Variants in FADS2 observed in about 807,000 individuals in gnomAD.
FADS2 encodes fatty acid desaturase 2.
Under a neutral mutation model 61.2 loss-of-function variants are expected in FADS2, and 18 were observed. That is an observed-to-expected ratio of 0.29 (90% CI 0.20 to 0.44). The LOEUF is 0.44. Ranked by LOEUF, FADS2 falls within the 20% of genes least tolerant of loss-of-function variation. FADS2 has a pLI of 1.00. For missense variants in FADS2, 322 were observed against 572.7 expected (o/e 0.56, Z 4.47); for synonymous variants, 203 against 223.9 (o/e 0.91, Z 0.83).
intron 2 of FADS2, among the ~76,000 whole-genome samples, chr11:61,839,724 C>T (rs2067203265): frequency 6.6e-6 from 1 of 152,206 alleles, no homozygotes; most frequent in Non-Finnish European, 1.5e-5. Context: ...TCATCTTCCC[C>T]AAATTGAAAT....
At chr11:61,837,975 C>CA in intron 2 of FADS2, 87 bp downstream of exon 2, 2 of 911,482 alleles carry the variant, frequency 2.2e-6, no homozygotes, top group Non-Finnish European at 1.8e-6. Context: ...GCCCCATGAC[C>CA]AGTAACTGGG....
intron 7 of FADS2, among the ~76,000 whole-genome samples, chr11:61,860,139 C>T (rs185159512): frequency 3.9e-5 from 6 of 152,148 alleles, no homozygotes; most frequent in Admixed American, 1.3e-4. Flanking sequence ...TGGCAGTATC[C>T]GGAGACACTT....
chr11:61,828,135 C>G, upstream of FADS2: 2 of 1,379,202 alleles, frequency 1.5e-6, no homozygotes, highest in Non-Finnish European at 1.9e-6. This position sits in a 1 kb window ranked among gnomAD's most constrained non-coding sequence, Gnocchi z 6.4. Flanking sequence ...AGCGGGAGGG[C>G]TGAGGGAGGG....
Position 61,828,319 on chromosome 11 carries a change from G to A in FADS2, c.-72G>A. On this transcript the variant is annotated 5_prime_UTR_variant, in exon 1 of 12. Coordinates refer to ENST00000278840, the MANE Select transcript of FADS2 (RefSeq NM_004265.4). The surrounding 1 kb of genome is among the most constrained non-coding windows in gnomAD (Gnocchi z 6.4). ...CCGGGCTGCACACACCGGCTGGGAG[G>A]CAGCCGTCTGTGCAGCGAGCAGCCG... 1 of 1,524,954 alleles carries A rather than the reference G, an allele frequency of 6.6e-7. No individual in the cohort carries two copies. The highest frequency in any genetic ancestry group is 8.8e-7 in the Non-Finnish European group (1 of 1,136,070). The allele number at this position is 1,524,954 out of a possible 1,614,324, so 94.5% of individuals were successfully genotyped here. A position where few individuals can be genotyped will look rare whatever the true frequency, so the allele number is the denominator to read the frequency against.
intron 4 of FADS2, 183 bp from the exon 5 acceptor site, chr11:61,847,976 T>C: frequency 1.6e-6 from 1 of 633,594 alleles, no homozygotes; most frequent in South Asian, 1.9e-5. Context: ...CTTCACTCCA[T>C]CTGGGGCTGG....
chr11:61,825,498 A>T (rs1229354175), upstream of FADS2, among the ~76,000 whole-genome samples: 1 of 151,862 alleles, frequency 6.6e-6, no homozygotes, highest in Non-Finnish European at 1.5e-5. Flanking sequence ...GGTGCTTGTA[A>T]TCCCAGCTAC....
At chr11:61,853,167 ACAACAAC>A (rs1219049040) in intron 5 of FADS2, among the ~76,000 whole-genome samples, 1 of 151,138 alleles carries the variant, frequency 6.6e-6, no homozygotes, top group Non-Finnish European at 1.5e-5. Context: ...AACAACAACA[ACAACAAC>A]AACAACAAAA....
chr11:61,826,135 A>G (rs144517590), upstream of FADS2: 257 of 702,580 alleles, frequency 3.7e-4, no homozygotes, highest in African/African-American at 3.8e-3. Context: ...AGCCTCCTCC[A>G]TGGTAAAGTC....
At chr11:61,828,023 G>T, upstream of FADS2, 3 of 1,131,214 alleles carry the variant, frequency 2.7e-6, no homozygotes, top group African/African-American at 1.6e-5. The surrounding 1 kb of genome is among the most constrained non-coding windows in gnomAD (Gnocchi z 6.4). Flanking sequence ...CGGGGAACGC[G>T]GGAGGATGTG....
At chr11:61,860,802 G>T (rs902713959) in intron 7 of FADS2, among the ~76,000 whole-genome samples, 13 of 152,192 alleles carry the variant, frequency 8.5e-5, no homozygotes, top group Admixed American at 7.2e-4. Flanking sequence ...TACCTACTTT[G>T]GAGGCTGAGG....
Position 61,863,295 on chromosome 11 carries a change from C to T in FADS2, c.994C>T (p.His332Tyr). The part of the protein sequence containing the change: ...FLNFIRFLES[H>Y]WFVWVTQMNH... ...GTTCTCTTGCAGGTTCCTGGAGAGC[C>T]ACTGGTTTGTGTGGGTCACACAGAT... The change falls in exon 9 of 12, where the codon CAC (histidine) becomes TAC (tyrosine). Residue 332 changes from histidine to tyrosine, a missense_variant. His to Tyr is a moderately conservative substitution (Grantham distance 83, BLOSUM62 2). Transcript: ENST00000278840. The T allele has an allele frequency of 6.2e-7, 1 of 1,613,796 alleles. No homozygotes were observed. Among genetic ancestry groups the T allele is most frequent in the Non-Finnish European group, 8.5e-7 (1 of 1,179,784 alleles).
At chr11:61,861,965 G>A (rs186466234) in intron 7 of FADS2, 1 of 152,364 alleles carries the variant, frequency 6.6e-6, no homozygotes, top group African/African-American at 2.4e-5. Flanking sequence ...ATGTGACCTT[G>A]TTCTTCAGTC....
intron 4 of FADS2, among the ~76,000 whole-genome samples, chr11:61,842,063 G>C (rs1047600230): frequency 3.3e-5 from 5 of 152,238 alleles, no homozygotes; most frequent in Non-Finnish European, 5.9e-5. Flanking sequence ...TGACCCAACA[G>C]TACCTGCTTC....
At chr11:61,835,154 C>T (rs76497692) in intron 1 of FADS2, among the ~76,000 whole-genome samples, 6,096 of 152,188 alleles carry the variant, frequency 0.04, 437 homozygotes, top group African/African-American at 0.14. Flanking sequence ...CATCCCTTTT[C>T]GGCTCGGCTA....
In FADS2 at chr11:61,828,347, G is replaced by T. The variant is rs2067100536; in HGVS notation, c.-44G>T. 1 of 1,543,282 alleles carries T rather than the reference G, an allele frequency of 6.5e-7. No homozygotes were observed. Reference sequence around the variant, plus strand: ...GCCGTCTGTGCAGCGAGCAGCCGGCGCGGGGAGGCCGCAGTGCACGGGGCG... The same window carrying T: ...GCCGTCTGTGCAGCGAGCAGCCGGCTCGGGGAGGCCGCAGTGCACGGGGCG... On this transcript the variant is annotated 5_prime_UTR_variant, in exon 1 of 12. Transcript: ENST00000278840. The surrounding 1 kb of genome is among the most constrained non-coding windows in gnomAD (Gnocchi z 6.4).
intron 7 of FADS2, among the ~76,000 whole-genome samples, chr11:61,861,447 A>C (rs1257818870): frequency 6.6e-6 from 1 of 151,040 alleles, no homozygotes; most frequent in Admixed American, 6.6e-5. Context: ...ACACCATTGC[A>C]CTCCAGCCTG....
At position 61,816,555 on chromosome 11, in the gene FADS2, C is replaced by T. The variant is rs1286654705; in HGVS notation, c.141+129C>T. ...TGTGCCCCCGCCTGGCTGCGCTCACCGTGGCATCCTGCCCGGCGTAGTGGC... is the reference window on the plus strand; with the variant it reads ...TGTGCCCCCGCCTGGCTGCGCTCACTGTGGCATCCTGCCCGGCGTAGTGGC... On this transcript the variant is annotated intron_variant, in intron 1 of 11. Transcript: ENST00000257261. The surrounding 1 kb of genome is among the most constrained non-coding windows in gnomAD (Gnocchi z 7.0). The T allele has an allele frequency of 6.2e-7, 1 of 1,603,664 alleles. No homozygotes were observed. Among genetic ancestry groups the T allele is most frequent in the South Asian group, 1.1e-5 (1 of 89,728 alleles).
chr11:61,823,920 T>TTTTAAAA (rs2135948976), upstream of FADS2, among the ~76,000 whole-genome samples: 1 of 152,338 alleles, frequency 6.6e-6, no homozygotes, highest in East Asian at 1.9e-4. Flanking sequence ...ATTATTCATT[T>TTTTAAAA]TTTAAAAATA....
At chr11:61,857,322 G>C in intron 6 of FADS2, 132 bp from the exon 7 acceptor site, 1 of 855,412 alleles carries the variant, frequency 1.2e-6, no homozygotes, top group Non-Finnish European at 2.0e-6. Context: ...TGCAGGCCCC[G>C]GGGTCCCTGG....
Sources: gnomAD v4.1 joint callset for allele counts (sites outside exome capture counted in the v4.1 genomes callset) on GRCh38, gnomAD v4.1.1 for gene constraint, Gnocchi (gnomAD v3.1) non-coding constraint, MANE v1.5 for transcripts, NCBI Gene and HGNC (gene_info 2026-07-23, HGNC 2026-07-21) for gene names.